The following UBA1 variants were observed in gnomAD, a reference collection of about 807,000 sequenced individuals.
UBA1 encodes the protein ubiquitin like modifier activating enzyme 1, also known as ubiquitin-like modifier-activating enzyme 1.
Under a neutral mutation model 84.7 loss-of-function variants are expected in UBA1, and 4 were observed. That is an observed-to-expected ratio of 0.05 (90% CI 0.02 to 0.11). UBA1 has a LOEUF of 0.11. Ranked by LOEUF, UBA1 falls within the 10% of genes least tolerant of loss-of-function variation. UBA1 has a pLI of 1.00. For missense variants in UBA1, 513 were observed against 902.8 expected (o/e 0.57, Z 5.53); for synonymous variants, 364 against 362.6 (o/e 1.00, Z -0.04).
chrX:47,211,812 TTCCATGGTCCCC>T (rs1352253314), intron 20 of UBA1, among the ~76,000 whole-genome samples: 4 of 109,383 alleles, frequency 3.7e-5, no homozygotes, highest in African/African-American at 1.3e-4. Context: ...CCATTTCCCC[TTCCATGGTCCCC>T]ATCTTCCTTC....
chrX:47,214,005 A>G (rs1937039107), intron 23 of UBA1, among the ~76,000 whole-genome samples: 1 of 111,660 alleles, frequency 9.0e-6, no homozygotes, highest in South Asian at 3.7e-4. Flanking sequence ...TAAGGGGACA[A>G]ACTGTGCAGG....
intron 1 of UBA1, chrX:47,198,461 G>T: frequency 2.5e-6 from 1 of 392,385 alleles, no homozygotes; most frequent in Admixed American, 4.0e-5. Flanking sequence ...AACCAGGTCT[G>T]TCCTGAATCC....
At chrX:47,201,149 G>A (rs1268475132) in intron 6 of UBA1, 127 bp from the exon 7 acceptor site, 5 of 805,101 alleles carry the variant, frequency 6.2e-6, no homozygotes, top group South Asian at 2.2e-5. Context: ...TGTGGCACAA[G>A]TACCATCTTA....
chrX:47,200,508 A>T (rs782339179), intron 5 of UBA1, among the ~76,000 whole-genome samples: 3 of 111,797 alleles, frequency 2.7e-5, no homozygotes, highest in Non-Finnish European at 5.6e-5. Context: ...CCCAAAGATC[A>T]TGGCGGAGCA....
At chrX:47,209,392 G>A (rs1556792590) in intron 16 of UBA1, 3 of 501,651 alleles carry the variant, frequency 6.0e-6, no homozygotes, top group African/African-American at 4.7e-5. Context: ...GACCTCAGGT[G>A]ATCCATCTGC....
At chrX:47,200,858 C>T (rs1485636016) in intron 5 of UBA1, 36 bp from the exon 6 acceptor site, 2 of 1,115,381 alleles carry the variant, frequency 1.8e-6, no homozygotes, top group Non-Finnish European at 2.4e-6. Flanking sequence ...TTCCCCTTCA[C>T]CCCAATGCTG....
At chrX:47,194,339 C>T (rs1406220835) in intron 1 of UBA1, among the ~76,000 whole-genome samples, 2 of 112,376 alleles carry the variant, frequency 1.8e-5, no homozygotes, top group African/African-American at 6.5e-5. Context: ...AACTCTTCCC[C>T]AGTCTCCAAT....
At chrX:47,202,612 T>A (rs1556788724) in intron 10 of UBA1, 26 bp from the exon 11 acceptor site, 10 of 1,211,462 alleles carry the variant, frequency 8.3e-6, no homozygotes, top group Admixed American at 2.2e-5. Context: ...TGACATATCC[T>A]CTCTTGGTTC....
At position 47,202,923 on chromosome X, in the gene UBA1, C is replaced by G. The variant is rs1556788923; in HGVS notation, c.1234-20C>G. 1.7e-6 allele frequency: 2 copies of G among 1,207,745 alleles called. No homozygotes were observed. Among genetic ancestry groups the G allele is most frequent in the Admixed American group, 2.2e-5 (1 of 45,981 alleles). ...CCCTGTTAACCACTGACCACCCCCTCTCTCCCTTCCCCTCTCCAGGCCTGC... is the reference window on the plus strand; with the variant it reads ...CCCTGTTAACCACTGACCACCCCCTGTCTCCCTTCCCCTCTCCAGGCCTGC... On this transcript the variant is annotated intron_variant, in intron 11 of 25. Coordinates refer to ENST00000335972, the MANE Select transcript of UBA1 (RefSeq NM_003334.4).
In UBA1 at chrX:47,215,063, C is replaced by A. The variant is rs782405849; in HGVS notation, c.*134C>A. 1.1e-6 allele frequency: 1 copy of A among 919,918 alleles called. No homozygotes were observed. The highest frequency in any genetic ancestry group is 1.5e-6 in the Non-Finnish European group (1 of 647,191). 75.8% of individuals were successfully genotyped at this position (919,918 alleles called of 1,213,427 possible). ...TTCCCTCATCATCCCCCTACCTGAACCCCTCTTGCCACTGCCTTCTACCTT... is the reference window on the plus strand; with the variant it reads ...TTCCCTCATCATCCCCCTACCTGAAACCCTCTTGCCACTGCCTTCTACCTT... On this transcript the variant is annotated 3_prime_UTR_variant, in exon 26 of 26. Coordinates refer to ENST00000335972, the MANE Select transcript of UBA1 (RefSeq NM_003334.4).
At position 47,203,423 on chromosome X, in the gene UBA1, G is replaced by A. The variant is rs782678731; in HGVS notation, c.1420-118G>A. ...GTCATTTCTTAGAGTCCTGCAACCT[G>A]AAGATGTGGTGTTAGCCCCTCTCCC... On this transcript the variant is annotated intron_variant, in intron 13 of 25. Coordinates refer to ENST00000335972, the MANE Select transcript of UBA1 (RefSeq NM_003334.4). 27 of 953,095 alleles carry A rather than the reference G, an allele frequency of 2.8e-5. No homozygotes were observed. The African/African-American group carries it at 4.8e-4, about 17-fold the overall frequency. The allele number at this position is 953,095 out of a possible 1,213,427, so 78.5% of individuals were successfully genotyped here. A position where few individuals can be genotyped will look rare whatever the true frequency, so the allele number is the denominator to read the frequency against.
At chrX:47,207,910 G>C (rs1487799470) in intron 16 of UBA1, among the ~76,000 whole-genome samples, 2 of 111,979 alleles carry the variant, frequency 1.8e-5, no homozygotes, top group Non-Finnish European at 3.8e-5. Flanking sequence ...TTTTAACCAA[G>C]CTTTAAATAT....
At chrX:47,208,272 CGT>C (rs144601357) in intron 16 of UBA1, among the ~76,000 whole-genome samples, 145 of 106,466 alleles carry the variant, frequency 1.4e-3, no homozygotes, top group East Asian at 4.2e-3. Context: ...AGTGTCTGTA[CGT>C]GTGTGTGTGT....
intron 14 of UBA1, among the ~76,000 whole-genome samples, chrX:47,204,146 T>A (rs1468204409): frequency 1.1e-5 from 1 of 92,665 alleles, no homozygotes; most frequent in African/African-American, 4.0e-5. Context: ...TCTGTTTTTT[T>A]TTTTTTTTTT....
upstream of UBA1, chrX:47,191,422 C>T (rs1432519868): frequency 9.0e-6 from 1 of 111,097 alleles, no homozygotes; most frequent in Admixed American, 9.5e-5. Context: ...CCTGGAGGCT[C>T]AGGACTGCGA....
chrX:47,206,504 G>A lies in UBA1; in HGVS notation c.1938+60G>A, dbSNP rs5953011. 18,377 of 1,121,263 alleles carry A rather than the reference G, an allele frequency of 0.016. 1,747 individuals carry two copies. The African/African-American group carries it at 0.28, about 17-fold the overall frequency. The allele number at this position is 1,121,263 out of a possible 1,213,427, so 92.4% of individuals were successfully genotyped here. ...CATCTGGCCAGGCTGCTGCCTCTCCGCCCCCAGGCCCTTGCCTTGCCTTCA... is the reference window on the plus strand; with the variant it reads ...CATCTGGCCAGGCTGCTGCCTCTCCACCCCCAGGCCCTTGCCTTGCCTTCA... On this transcript the variant is annotated intron_variant, in intron 16 of 25. Coordinates refer to ENST00000335972, the MANE Select transcript of UBA1 (RefSeq NM_003334.4).
chrX:47,205,379 G>A (rs937258754), intron 14 of UBA1: 3 of 335,561 alleles, frequency 8.9e-6, no homozygotes, highest in Non-Finnish European at 1.8e-5. Flanking sequence ...TTAGACGAAA[G>A]AACAGATGTC....
In UBA1 at chrX:47,193,867, G is replaced by A. The variant is rs782125806; in HGVS notation, c.-158G>A. 1 of 111,893 alleles carries A rather than the reference G, an allele frequency of 8.9e-6. No homozygotes were observed. Among genetic ancestry groups the A allele is most frequent in the East Asian group, 2.8e-4 (1 of 3,547 alleles). 9.2% of individuals were successfully genotyped at this position (111,893 alleles called of 1,213,427 possible). On this transcript the variant is annotated 5_prime_UTR_variant, in exon 1 of 26. Transcript: ENST00000335972. ...GGCTCGGCTGTAAGGAGGTGGCAGGGACAACCACAACCACAACGGCCGGGG... is the reference window on the plus strand; with the variant it reads ...GGCTCGGCTGTAAGGAGGTGGCAGGAACAACCACAACCACAACGGCCGGGG...
upstream of UBA1, chrX:47,191,615 C>T (rs1243436946): frequency 8.9e-6 from 1 of 111,998 alleles, no homozygotes; most frequent in African/African-American, 3.2e-5. Context: ...CGCACCTGGT[C>T]CGCTGAAGGT....
Sources: gnomAD v4.1 joint callset for allele counts (sites outside exome capture counted in the v4.1 genomes callset) on GRCh38, gnomAD v4.1.1 for gene constraint, MANE v1.5 for transcripts, NCBI Gene and HGNC (gene_info 2026-07-23, HGNC 2026-07-21) for gene names.